The following TMTC4 variants were observed in gnomAD, a reference collection of about 807,000 sequenced individuals.
TMTC4 encodes transmembrane O-mannosyltransferase targeting cadherins 4.
TMTC4 carries 65 observed loss-of-function variants against 86.0 expected under a neutral mutation model. The observed-to-expected ratio is 0.76, with a 90% CI of 0.62 to 0.93. The LOEUF is 0.93. TMTC4 is among the 40% of genes least tolerant of loss of function. The probability of loss-of-function intolerance (pLI) is 0.00; values close to 1 mark genes in which losing one functional copy is unlikely to be tolerated. For missense variants in TMTC4, 866 were observed against 948.1 expected, an observed-to-expected ratio of 0.91 and a Z score of 1.14; for synonymous variants, 379 against 382.5, an observed-to-expected ratio of 0.99 and a Z score of 0.11.
chr13:100,612,689 ACACAC>A (rs1189198638), intron 16 of TMTC4, among the ~76,000 whole-genome samples, 179 bp from the exon 17 acceptor site: 1 of 136,114 alleles, frequency 7.3e-6, no homozygotes, highest in African/African-American at 2.6e-5. Context: ...ACACACACAC[ACACAC>A]GACGTTATCA....
chr13:100,669,692 G>A (rs1006835177), intron 2 of TMTC4, among the ~76,000 whole-genome samples: 2 of 151,954 alleles, frequency 1.3e-5, no homozygotes, highest in African/African-American at 2.4e-5. Flanking sequence ...GCATCTTAAC[G>A]CCCAGTGGTC....
intron 15 of TMTC4, among the ~76,000 whole-genome samples, chr13:100,618,539 G>A (rs913558720): frequency 6.6e-6 from 1 of 150,788 alleles, no homozygotes; most frequent in Admixed American, 6.6e-5. Context: ...TCTCGCAGAG[G>A]GGGATTTGGC....
At chr13:100,646,694 T>C (rs1039967813) in intron 6 of TMTC4, among the ~76,000 whole-genome samples, 1 of 152,200 alleles carries the variant, frequency 6.6e-6, no homozygotes, top group Non-Finnish European at 1.5e-5. Flanking sequence ...CTCTACTGAA[T>C]ACCATTACAC....
intron 5 of TMTC4, among the ~76,000 whole-genome samples, chr13:100,657,100 C>T (rs752388831): frequency 3.3e-5 from 5 of 152,138 alleles, no homozygotes; most frequent in Non-Finnish European, 5.9e-5. Flanking sequence ...ACACACGATA[C>T]CCAAGAGCTC....
At chr13:100,607,457 C>T (rs1391827704) in intron 17 of TMTC4, among the ~76,000 whole-genome samples, 10 of 151,004 alleles carry the variant, frequency 6.6e-5, no homozygotes, top group South Asian at 4.2e-4. Context: ...GAGGAGGTTG[C>T]GGTGAGCCGA....
At chr13:100,618,150 A>G (rs1485012773) in intron 15 of TMTC4, among the ~76,000 whole-genome samples, 6 of 152,104 alleles carry the variant, frequency 3.9e-5, no homozygotes, top group African/African-American at 1.4e-4. Context: ...TGTGATTGGC[A>G]TATAGATATG....
intron 9 of TMTC4, among the ~76,000 whole-genome samples, chr13:100,636,986 C>G (rs372080688): frequency 6.6e-6 from 1 of 152,148 alleles, no homozygotes; most frequent in Admixed American, 6.5e-5. Context: ...ATATTTCTGG[C>G]AAAGCTATGA....
chr13:100,652,068 G>A (rs182321422), intron 6 of TMTC4, among the ~76,000 whole-genome samples: 1 of 152,324 alleles, frequency 6.6e-6, no homozygotes, highest in East Asian at 1.9e-4. Flanking sequence ...TGGAGGCTGA[G>A]ACAGGAGAAT....
intron 16 of TMTC4, 117 bp from the exon 17 acceptor site, chr13:100,612,627 T>A (rs1877794402): frequency 3.0e-6 from 2 of 671,232 alleles, no homozygotes; most frequent in Non-Finnish European, 5.1e-6. Flanking sequence ...AATAAACTAC[T>A]TAAGAAAATC....
intron 5 of TMTC4, 73 bp from the exon 6 acceptor site, chr13:100,656,541 AC>A: frequency 4.3e-6 from 2 of 462,938 alleles, no homozygotes; most frequent in Non-Finnish European, 3.3e-6. Context: ...AGGAGACATA[AC>A]TTTTTTTTTT....
At chr13:100,617,764 A>G (rs1373154497) in intron 15 of TMTC4, among the ~76,000 whole-genome samples, 1 of 152,218 alleles carries the variant, frequency 6.6e-6, no homozygotes, top group Non-Finnish European at 1.5e-5. Flanking sequence ...GAAGTCAGGT[A>G]ATGTGATGCC....
intron 12 of TMTC4, among the ~76,000 whole-genome samples, chr13:100,627,838 G>C (rs1880779796): frequency 6.6e-6 from 1 of 152,168 alleles, no homozygotes; most frequent in African/African-American, 2.4e-5. Flanking sequence ...AAATCCCGTG[G>C]TGGGAAAGAG....
chr13:100,641,346 G>A (rs562786271), intron 7 of TMTC4, among the ~76,000 whole-genome samples: 2 of 152,332 alleles, frequency 1.3e-5, no homozygotes, highest in East Asian at 3.9e-4. Flanking sequence ...GTTGCTTGAA[G>A]TTGCACTTGG....
At chr13:100,632,015 C>CCACACACACACACACACACACACACA (rs60522457) in intron 12 of TMTC4, among the ~76,000 whole-genome samples, 1 of 99,356 alleles carries the variant, frequency 1.0e-5, no homozygotes, top group African/African-American at 4.2e-5. Context: ...TAAGAGGAAA[C>CCACACACACACACACACACACACACA]CACACACACA....
chr13:100,634,996 A>G (rs1882010722), intron 11 of TMTC4, 28 bp downstream of exon 11: 8 of 1,609,320 alleles, frequency 5.0e-6, no homozygotes, highest in Non-Finnish European at 6.8e-6. Flanking sequence ...CATTCTGTTC[A>G]TCAGCTGGCA....
intron 17 of TMTC4, among the ~76,000 whole-genome samples, chr13:100,610,885 A>T (rs1046555131): frequency 2.4e-4 from 37 of 152,366 alleles, no homozygotes; most frequent in African/African-American, 7.9e-4. Context: ...GGTCATTAGA[A>T]GGGAAACCTG....
At chr13:100,632,104 T>C (rs1881535184) in intron 12 of TMTC4, among the ~76,000 whole-genome samples, 1 of 130,802 alleles carries the variant, frequency 7.6e-6, no homozygotes, top group South Asian at 2.4e-4. Context: ...GTCTTTCTCC[T>C]AATACTTACG....
At chr13:100,627,604 A>T (rs1880750491) in intron 12 of TMTC4, among the ~76,000 whole-genome samples, 1 of 152,162 alleles carries the variant, frequency 6.6e-6, no homozygotes, top group African/African-American at 2.4e-5. Context: ...CACCAGTCAC[A>T]CTGGATTAAG....
intron 15 of TMTC4, among the ~76,000 whole-genome samples, chr13:100,618,562 C>T (rs1319130007): frequency 1.3e-5 from 2 of 149,292 alleles, no homozygotes; most frequent in East Asian, 2.0e-4. Flanking sequence ...GGTCATAGGA[C>T]AATAGTGGAG....
Sources: allele counts gnomAD v4.1 joint callset (sites outside exome capture counted in the v4.1 genomes callset), GRCh38; gene constraint gnomAD v4.1.1; transcripts MANE v1.5; gene names NCBI Gene and HGNC (gene_info 2026-07-23, HGNC 2026-07-21).